DHRSX: variants seen among roughly 807,000 people sequenced by gnomAD.
DHRSX encodes dehydrogenase/reductase X-linked.
Under a neutral mutation model 34.0 loss-of-function variants are expected in DHRSX, and 31 were observed. The observed-to-expected ratio is 0.91, with a 90% CI of 0.69 to 1.23. The LOEUF is 1.23. DHRSX is among the 50% of genes most tolerant of loss of function. The probability of loss-of-function intolerance (pLI) is 0.00; values close to 1 mark genes in which losing one functional copy is unlikely to be tolerated. For synonymous variants in DHRSX, 201 were observed against 183.8 expected, an observed-to-expected ratio of 1.09 and a Z score of -0.76; for missense variants, 414 against 428.1, an observed-to-expected ratio of 0.97 and a Z score of 0.29.
intron 6 of DHRSX, among the ~76,000 whole-genome samples, chrX:2,233,720 C>T (rs751742266): frequency 1.3e-5 from 2 of 152,012 alleles, no homozygotes; most frequent in South Asian, 4.1e-4. Flanking sequence ...TGCCCAGGAG[C>T]TTCCAATAGA....
At chrX:2,458,883 C>T (rs148489944) in intron 1 of DHRSX, among the ~76,000 whole-genome samples, 3,863 of 151,190 alleles carry the variant, frequency 0.026, 78 homozygotes, top group Admixed American at 0.048. Flanking sequence ...CATGCACCTG[C>T]AGTCCCAGCT....
intron 1 of DHRSX, among the ~76,000 whole-genome samples, chrX:2,465,137 A>G (rs2044472703): frequency 1.3e-5 from 2 of 151,746 alleles, no homozygotes; most frequent in Non-Finnish European, 2.9e-5. Context: ...CACTGAAGAC[A>G]TTCCCAAAGC....
intron 1 of DHRSX, among the ~76,000 whole-genome samples, chrX:2,434,242 T>A (rs1311339716): frequency 6.6e-6 from 1 of 152,152 alleles, no homozygotes; most frequent in Admixed American, 6.5e-5. Context: ...ATCAATCACA[T>A]GGAATAGGTT....
At chrX:2,426,950 G>GA (rs1379093823) in intron 1 of DHRSX, among the ~76,000 whole-genome samples, 1 of 151,926 alleles carries the variant, frequency 6.6e-6, no homozygotes, top group Non-Finnish European at 1.5e-5. Flanking sequence ...AGCATACAGG[G>GA]AAATGAATTA....
intron 3 of DHRSX, among the ~76,000 whole-genome samples, chrX:2,350,758 G>A (rs546600338): frequency 5.6e-4 from 85 of 152,122 alleles, no homozygotes; most frequent in African/African-American, 1.9e-3. Context: ...GTTTGACCGT[G>A]ATAAAATAAA....
chrX:2,248,739 C>A (rs1258694064), intron 5 of DHRSX, among the ~76,000 whole-genome samples: 1 of 151,978 alleles, frequency 6.6e-6, no homozygotes, highest in African/African-American at 2.4e-5. Flanking sequence ...TCCCACCCCA[C>A]CCCCAGAAGG....
At chrX:2,457,804 C>T (rs2044327610) in intron 1 of DHRSX, among the ~76,000 whole-genome samples, 2 of 145,054 alleles carry the variant, frequency 1.4e-5, no homozygotes, top group Admixed American at 1.4e-4. Context: ...CCACGGTGTG[C>T]ACACTGAAGA....
Position 2,243,245 on chromosome X carries a change from G to A in DHRSX, c.597-15C>T. 6.3e-7 allele frequency: 1 copy of A among 1,596,970 alleles called. No homozygotes were observed. Among genetic ancestry groups the A allele is most frequent in the Non-Finnish European group, 8.5e-7 (1 of 1,178,702 alleles). ...AGTAGCAGGCACTGTGGGGCAAGCA[G>A]GAGAAGGTGTAAGAGGCTGACGGCG... On this transcript the variant is annotated splice_polypyrimidine_tract_variant and intron_variant, in intron 5 of 6. Transcript: ENST00000334651.
chrX:2,380,180 A>G, intron 3 of DHRSX, among the ~76,000 whole-genome samples: 1 of 151,858 alleles, frequency 6.6e-6, no homozygotes, highest in East Asian at 1.9e-4. Context: ...CCATAATCCC[A>G]GCTACTCGGG....
chrX:2,240,220 G>A (rs1408025911), intron 6 of DHRSX, among the ~76,000 whole-genome samples: 2 of 151,806 alleles, frequency 1.3e-5, no homozygotes, highest in Non-Finnish European at 2.9e-5. Flanking sequence ...TTGAACCCAG[G>A]AGGCGGAGGT....
chrX:2,311,325 A>G (rs1470158474), intron 3 of DHRSX, among the ~76,000 whole-genome samples: 3 of 152,026 alleles, frequency 2.0e-5, no homozygotes, highest in Non-Finnish European at 4.4e-5. Flanking sequence ...CTTTGTTTTC[A>G]TTGTGTTTAC....
chrX:2,480,316 C>G (rs2044749744), intron 1 of DHRSX, among the ~76,000 whole-genome samples: 1 of 150,088 alleles, frequency 6.7e-6, no homozygotes, highest in Non-Finnish European at 1.5e-5. Flanking sequence ...AAGCTGAACG[C>G]ATAAACGCAG....
intron 3 of DHRSX, among the ~76,000 whole-genome samples, chrX:2,324,633 TAC>T (rs1335663535): frequency 6.6e-6 from 1 of 151,980 alleles, no homozygotes; most frequent in Non-Finnish European, 1.5e-5. Context: ...TCACATCTAA[TAC>T]AGTCATGATA....
chrX:2,489,999 C>A, intron 1 of DHRSX: 1 of 1,613,906 alleles, frequency 6.2e-7, no homozygotes, highest in South Asian at 1.1e-5. Context: ...GCCGTGTTCT[C>A]TTCGGGCACC....
chrX:2,474,752 G>A (rs73622913), intron 1 of DHRSX, among the ~76,000 whole-genome samples: 30,735 of 150,242 alleles, frequency 0.2, 4,136 homozygotes, highest in African/African-American at 0.39. Context: ...TAAGAATGCA[G>A]CTAAAAGATG....
At chrX:2,243,478 T>TTTTATTTA (rs891844379) in intron 5 of DHRSX, among the ~76,000 whole-genome samples, 7 of 152,012 alleles carry the variant, frequency 4.6e-5, no homozygotes, top group Non-Finnish European at 7.4e-5. Flanking sequence ...GTTACTAATT[T>TTTTATTTA]TTTATTTATT....
At chrX:2,463,047 G>T (rs1428775583) in intron 1 of DHRSX, among the ~76,000 whole-genome samples, 4 of 152,128 alleles carry the variant, frequency 2.6e-5, no homozygotes, top group Admixed American at 2.6e-4. Context: ...CATGTGAGCA[G>T]GCAGAGAAAA....
intron 2 of DHRSX, among the ~76,000 whole-genome samples, chrX:2,413,564 T>C (rs2043657468): frequency 6.6e-6 from 1 of 152,326 alleles, no homozygotes; most frequent in East Asian, 1.9e-4. Context: ...CTTGTTTTTG[T>C]CTATTAAAAT....
At chrX:2,225,318 ACACATG>A (rs2015630381) in intron 6 of DHRSX, among the ~76,000 whole-genome samples, 1 of 146,166 alleles carries the variant, frequency 6.8e-6, no homozygotes, top group Non-Finnish European at 1.5e-5. Flanking sequence ...ATGCACACAT[ACACATG>A]CACGCACCCT....
Sources: allele counts gnomAD v4.1 joint callset (sites outside exome capture counted in the v4.1 genomes callset), GRCh38; gene constraint gnomAD v4.1.1; transcripts MANE v1.5; gene names NCBI Gene and HGNC (gene_info 2026-07-23, HGNC 2026-07-21).